BRI3: variants seen among roughly 807,000 people sequenced by gnomAD.
BRI3 encodes the protein membrane protein BRI3.
A neutral mutation model predicts 12.8 loss-of-function variants in BRI3; 6 were observed. The ratio of observed to expected loss-of-function variants is 0.47; its 90% confidence interval spans 0.26 to 0.93. The LOEUF is 0.93. Among genes scored for constraint, BRI3 ranks in the 40% least tolerant of loss-of-function variants. The probability of loss-of-function intolerance (pLI) is 0.15; values close to 1 mark genes in which losing one functional copy is unlikely to be tolerated. For missense variants in BRI3, 134 were observed against 171.1 expected (o/e 0.78, Z 1.21); for synonymous variants, 91 against 76.1 (o/e 1.20, Z -1.02).
downstream of BRI3, among the ~76,000 whole-genome samples, chr7:98,296,265 G>C (rs1800187760): frequency 6.6e-6 from 1 of 152,232 alleles, no homozygotes; most frequent in Non-Finnish European, 1.5e-5. Flanking sequence ...GGTATACGGA[G>C]TCACATCATG....
At chr7:98,315,296 T>A (rs1226895752), downstream of BRI3, among the ~76,000 whole-genome samples, 2 of 152,152 alleles carry the variant, frequency 1.3e-5, no homozygotes, top group African/African-American at 4.8e-5. Flanking sequence ...TAGTTTTTTT[T>A]TTATTATTTT....
At chr7:98,287,308 G>A (rs1799743083) in intron 2 of BRI3, among the ~76,000 whole-genome samples, 1 of 152,238 alleles carries the variant, frequency 6.6e-6, no homozygotes, top group Non-Finnish European at 1.5e-5. Flanking sequence ...GCTGCCTTAG[G>A]AGGTGCCGGA....
chr7:98,294,318 C>T (rs559672707), downstream of BRI3, among the ~76,000 whole-genome samples: 7 of 152,180 alleles, frequency 4.6e-5, no homozygotes, highest in East Asian at 9.7e-4. Context: ...TAATAAGACC[C>T]GAAGGTAAAG....
intron 2 of BRI3, 68 bp from the exon 3 acceptor site, chr7:98,291,043 G>T: frequency 6.3e-7 from 1 of 1,580,374 alleles, no homozygotes; most frequent in South Asian, 1.1e-5. Context: ...ATGCAAGGGT[G>T]GCAGGGGTGA....
chr7:98,283,230 G>A (rs774979003), intron 2 of BRI3, among the ~76,000 whole-genome samples: 1 of 152,082 alleles, frequency 6.6e-6, no homozygotes, highest in Non-Finnish European at 1.5e-5. Flanking sequence ...GCTGTGTCTC[G>A]GAGGAGGAAG....
rs1203293142 is a variant in BRI3 at position 98,281,746 on chromosome 7, G to C, written c.-50G>C. ...GCCGCCGCCGCCGCGTCCCCCGCCG[G>C]GGCCGACCGAGCCGAGCCGGGCCGG... On this transcript the variant is annotated 5_prime_UTR_variant, in exon 1 of 3. Coordinates refer to ENST00000297290, the MANE Select transcript of BRI3 (RefSeq NM_015379.5). 1.8e-5 allele frequency: 17 copies of C among 955,494 alleles called. No individual in the cohort carries two copies. Among genetic ancestry groups the C allele is most frequent in the Non-Finnish European group, 2.1e-5 (17 of 800,828 alleles). 59.2% of individuals were successfully genotyped at this position (955,494 alleles called of 1,614,324 possible). A position where few individuals can be genotyped will look rare whatever the true frequency, so the allele number is the denominator to read the frequency against.
chr7:98,291,676 A>C (rs1488109814), downstream of BRI3: 1 of 293,340 alleles, frequency 3.4e-6, no homozygotes, highest in East Asian at 1.6e-4. Context: ...TTTATTATTA[A>C]AGTTGTAATC....
At chr7:98,308,232 C>G (rs1334316556) in exon 2 of BRI3, 1 of 505,534 alleles carries the variant, frequency 2.0e-6, no homozygotes, top group African/African-American at 1.9e-5. Flanking sequence ...AGACAAACCG[C>G]TCCAACGCCA....
At chr7:98,288,712 T>G (rs1171217254) in intron 2 of BRI3, among the ~76,000 whole-genome samples, 1 of 151,888 alleles carries the variant, frequency 6.6e-6, no homozygotes, top group Non-Finnish European at 1.5e-5. Context: ...GAGAAAAGTT[T>G]CCCAAAATCG....
chr7:98,304,095 CT>C, upstream of BRI3: 1 of 1,279,696 alleles, frequency 7.8e-7, no homozygotes, highest in Non-Finnish European at 1.0e-6. Flanking sequence ...CACTCTCCCC[CT>C]GGGGACAGAG....
In BRI3 at chr7:98,291,364, T is replaced by A. The variant is rs1562959601; in HGVS notation, c.*121T>A. ...TTTGTAAAGCGAGGTGGGACCGATG[T>A]GGCACACGCCAGCTGCGGTTTCCCG... On this transcript the variant is annotated 3_prime_UTR_variant, in exon 3 of 3. Coordinates refer to ENST00000297290, the MANE Select transcript of BRI3 (RefSeq NM_015379.5). The A allele has an allele frequency of 1.3e-6, 2 of 1,512,440 alleles. No homozygotes were observed. Among genetic ancestry groups the A allele is most frequent in the Non-Finnish European group, 1.8e-6 (2 of 1,129,550 alleles). 93.7% of individuals were successfully genotyped at this position (1,512,440 alleles called of 1,614,324 possible). A position where few individuals can be genotyped will look rare whatever the true frequency, so the allele number is the denominator to read the frequency against.
At chr7:98,299,769 A>G (rs13232861) in intron 1 of BRI3, among the ~76,000 whole-genome samples, 119,936 of 152,126 alleles carry the variant, frequency 0.79, 47,441 homozygotes, top group Non-Finnish European at 0.82. Context: ...TGCCGGGCGC[A>G]GTGACTCACG....
downstream of BRI3, chr7:98,293,988 G>A: frequency 1.4e-6 from 2 of 1,459,626 alleles, no homozygotes; most frequent in Non-Finnish European, 1.9e-6. Flanking sequence ...TGGACCCCCT[G>A]GGCTGGGCAC....
chr7:98,304,978 G>A (rs1321409997), upstream of BRI3, among the ~76,000 whole-genome samples: 1 of 147,842 alleles, frequency 6.8e-6, no homozygotes, highest in East Asian at 2.0e-4. Context: ...TGATTCTCCT[G>A]CCTCAGCCTC....
chr7:98,287,548 G>A (rs1799750888), intron 2 of BRI3, among the ~76,000 whole-genome samples: 1 of 152,222 alleles, frequency 6.6e-6, no homozygotes, highest in African/African-American at 2.4e-5. Context: ...GGGCCTGGGT[G>A]GGCTGGGCTG....
In BRI3 at chr7:98,287,594, C is replaced by T. The variant is rs575421459; in HGVS notation, c.246-3517C>T. 2.0e-5 allele frequency among the ~76,000 whole-genome samples: 3 copies of T among 152,328 alleles called. No homozygotes were observed. The East Asian group carries it at 5.8e-4, about 29-fold the overall frequency. On this transcript the variant is annotated intron_variant, in intron 2 of 2. Coordinates refer to ENST00000297290, the MANE Select transcript of BRI3 (RefSeq NM_015379.5). ...AAATCCTAGCACTCAGGTGGGCCGG[C>T]GCCCTGGCCCGTGGCAGTGGGAGTG...
chr7:98,302,610 C>T (rs1191327727), upstream of BRI3, among the ~76,000 whole-genome samples: 3 of 152,020 alleles, frequency 2.0e-5, no homozygotes, highest in African/African-American at 4.8e-5. Flanking sequence ...AGGACACCAA[C>T]AGCAAAATCC....
chr7:98,316,058 A>T, the BRI3 span, among the ~76,000 whole-genome samples: 1 of 152,078 alleles, frequency 6.6e-6, no homozygotes, highest in South Asian at 2.1e-4. Flanking sequence ...ACCTGGTGGG[A>T]GGTAATTGAA....
chr7:98,292,644 A>C, downstream of BRI3: 1 of 1,551,682 alleles, frequency 6.4e-7, no homozygotes, highest in Non-Finnish European at 8.7e-7. Flanking sequence ...TCCAGGCACC[A>C]GAGGTCATCC....
Sources: allele counts gnomAD v4.1 joint callset (sites outside exome capture counted in the v4.1 genomes callset), GRCh38; gene constraint gnomAD v4.1.1; transcripts MANE v1.5; gene names NCBI Gene and HGNC (gene_info 2026-07-23, HGNC 2026-07-21).